The following SCAPER variants were observed in gnomAD, a reference collection of about 807,000 sequenced individuals.
SCAPER encodes the protein S-phase cyclin A associated protein in the ER.
SCAPER carries 98 observed loss-of-function variants against 182.2 expected under a neutral mutation model. That is an observed-to-expected ratio of 0.54 (90% CI 0.46 to 0.64). The LOEUF (loss-of-function observed/expected upper bound fraction) is 0.64. Ranked by LOEUF, SCAPER falls within the 30% of genes least tolerant of loss-of-function variation. The probability of loss-of-function intolerance (pLI) is 0.00; values close to 1 mark genes in which losing one functional copy is unlikely to be tolerated. For missense variants in SCAPER, 1,432 were observed against 1,690.0 expected (o/e 0.85, Z 2.68); for synonymous variants, 605 against 564.6 (o/e 1.07, Z -1.01).
Position 76,381,609 on chromosome 15 carries a change from G to A in SCAPER, c.3474C>T (p.Tyr1158=), listed in dbSNP as rs778952552. Residue 1158 remains tyrosine (Y), a synonymous_variant, in exon 28 of 32, where the codon TAC becomes TAT. Coordinates refer to ENST00000563290, the MANE Select transcript of SCAPER (RefSeq NM_020843.4). ...TLCFAVTGRS[Y]SIFDNNRQDP... is the part of the protein sequence containing the mutation. ...CCTGGCGATTATTGTCAAATATGCT[G>A]TATGACCTGACAAAGAAACATTCAG... 1.9e-6 allele frequency: 3 copies of A among 1,583,042 alleles called. No homozygotes were observed. The highest frequency in any genetic ancestry group is 4.6e-5 in the East Asian group (2 of 43,550).
rs145266992 is a variant in SCAPER, at chr15:76,609,100, C to T, written c.2711+12664G>A. On this transcript the variant is annotated intron_variant, in intron 22 of 31. Coordinates refer to ENST00000563290, the MANE Select transcript of SCAPER (RefSeq NM_020843.4). Reference sequence around the variant, plus strand: ...CTCAGTTGGAAATGCAGAAATCATCCGTCTTCTGCGTCGCTCATGCTGGTA... The same window carrying T: ...CTCAGTTGGAAATGCAGAAATCATCTGTCTTCTGCGTCGCTCATGCTGGTA... Among the ~76,000 whole-genome samples, 207 of 152,260 alleles carry T rather than the reference C, an allele frequency of 1.4e-3. 6 individuals are homozygous for T. In the East Asian group the frequency reaches 0.028, roughly 21 times the overall value.
At chr15:76,852,260 C>T (rs1440611986) in intron 4 of SCAPER, among the ~76,000 whole-genome samples, 4 of 152,182 alleles carry the variant, frequency 2.6e-5, no homozygotes, top group Admixed American at 1.3e-4. Context: ...CTCAGTACTC[C>T]ACTGGCAGTG....
In SCAPER at chr15:76,404,730, T is replaced by C. The variant is rs372117868; in HGVS notation, c.3312-51A>G. ...TATCAATCTGAATAGGCCAGCAACATCTTCACCTTCAATGATAAATGCTAC... is the reference window on the plus strand; with the variant it reads ...TATCAATCTGAATAGGCCAGCAACACCTTCACCTTCAATGATAAATGCTAC... On this transcript the variant is annotated intron_variant, in intron 26 of 31. Coordinates refer to ENST00000563290, the MANE Select transcript of SCAPER (RefSeq NM_020843.4). 71 of 1,555,924 alleles carry C rather than the reference T, an allele frequency of 4.6e-5. No individual in the cohort carries two copies. In the African/African-American group the frequency reaches 8.8e-4, roughly 19 times the overall value.
intron 25 of SCAPER, among the ~76,000 whole-genome samples, chr15:76,452,806 C>T (rs1256062256): frequency 2.6e-5 from 4 of 151,532 alleles, no homozygotes; most frequent in Non-Finnish European, 5.9e-5. Context: ...TGCATATAGC[C>T]TCAACTATTA....
intron 23 of SCAPER, among the ~76,000 whole-genome samples, chr15:76,555,458 G>C (rs2046123312): frequency 6.6e-6 from 1 of 152,114 alleles, no homozygotes; most frequent in African/African-American, 2.4e-5. Context: ...AAAGAAGCAT[G>C]ACCCAACTGC....
chr15:76,453,374 G>A (rs1453045331), intron 25 of SCAPER, among the ~76,000 whole-genome samples: 1 of 152,142 alleles, frequency 6.6e-6, no homozygotes, highest in Non-Finnish European at 1.5e-5. Context: ...GTTCTAATTA[G>A]TTGTCATGTC....
chr15:76,496,194 A>T lies in SCAPER; in HGVS notation c.2954+8665T>A, dbSNP rs142936430. Among the ~76,000 whole-genome samples the T allele has an allele frequency of 4.7e-4, 71 of 151,306 alleles. 1 individual carries two copies. The highest frequency in any genetic ancestry group is 2.1e-3 in the Admixed American group (32 of 15,072). On this transcript the variant is annotated intron_variant, in intron 24 of 31. Transcript: ENST00000563290. ...ACTGGCTTCTAATTTCAGGAAAATCATTGGTGAAATGTTTAAGTTTCTCAT... is the reference window on the plus strand; with the variant it reads ...ACTGGCTTCTAATTTCAGGAAAATCTTTGGTGAAATGTTTAAGTTTCTCAT...
Position 76,702,928 on chromosome 15 carries a change from C to G in SCAPER, c.2322G>C (p.Gly774=). The G allele has an allele frequency of 6.2e-7, 1 of 1,611,022 alleles. No individual in the cohort carries two copies. The highest frequency in any genetic ancestry group is 1.1e-5 in the South Asian group (1 of 90,160). The change falls in exon 19 of 32, where the codon GGG becomes GGC. Residue 774 remains glycine (G), a synonymous_variant. Transcript: ENST00000563290. ...GGGCATAATCAGTATTTGCATGTCG[C>G]CCACTGCTTAGCTCAGCAGCTTTTT... ...RKEKAAELSS[G]RHANTDYAPK...
At chr15:76,416,646 G>A (rs940267317) in intron 26 of SCAPER, among the ~76,000 whole-genome samples, 2 of 152,052 alleles carry the variant, frequency 1.3e-5, no homozygotes, top group South Asian at 2.1e-4. Context: ...AATTCTTAAG[G>A]TATATTCTCT....
chr15:76,425,390 T>C (rs142139031), intron 26 of SCAPER, among the ~76,000 whole-genome samples: 3,132 of 152,336 alleles, frequency 0.021, 50 homozygotes, highest in Non-Finnish European at 0.031. Context: ...TGATACCCTT[T>C]CTTCCAGTTG....
intron 26 of SCAPER, among the ~76,000 whole-genome samples, chr15:76,425,173 G>A (rs2046335217): frequency 6.6e-6 from 1 of 152,148 alleles, no homozygotes; most frequent in South Asian, 2.1e-4. Flanking sequence ...GCCTTGCTAG[G>A]TTGGGGAATT....
At chr15:76,637,722 T>TTATATATATATA (rs369760680) in intron 21 of SCAPER, among the ~76,000 whole-genome samples, 24 of 77,830 alleles carry the variant, frequency 3.1e-4, no homozygotes, top group African/African-American at 9.5e-4. Context: ...ATATATGTGA[T>TTATATATATATA]TATATATATA....
chr15:76,824,784 T>C (rs2067858531), intron 5 of SCAPER, among the ~76,000 whole-genome samples: 1 of 152,204 alleles, frequency 6.6e-6, no homozygotes, highest in South Asian at 2.1e-4. Flanking sequence ...ATACTTAATA[T>C]CTTCACCAAC....
intron 23 of SCAPER, among the ~76,000 whole-genome samples, chr15:76,517,250 T>C (rs2042499081): frequency 6.6e-6 from 1 of 152,064 alleles, no homozygotes; most frequent in Admixed American, 6.5e-5. Context: ...AAATATATTT[T>C]TAAAACTTTT....
At chr15:76,699,346 T>C (rs2058809859) in intron 20 of SCAPER, among the ~76,000 whole-genome samples, 1 of 152,202 alleles carries the variant, frequency 6.6e-6, no homozygotes, top group Non-Finnish European at 1.5e-5. Context: ...GTTCCAGTTC[T>C]CAAGGGGAAT....
At chr15:76,424,303 T>C (rs1486128635) in intron 26 of SCAPER, among the ~76,000 whole-genome samples, 1 of 152,206 alleles carries the variant, frequency 6.6e-6, no homozygotes, top group Admixed American at 6.5e-5. Context: ...TGGGTGCTCC[T>C]GTATTGGGTG....
chr15:76,836,194 C>A (rs2068936282), intron 5 of SCAPER, among the ~76,000 whole-genome samples: 1 of 152,112 alleles, frequency 6.6e-6, no homozygotes, highest in African/African-American at 2.4e-5. Flanking sequence ...CTACCAATGT[C>A]ATTTTTCACA....
intron 15 of SCAPER, among the ~76,000 whole-genome samples, chr15:76,737,641 T>G (rs1326267814): frequency 6.6e-6 from 1 of 152,244 alleles, no homozygotes; most frequent in Non-Finnish European, 1.5e-5. Flanking sequence ...CTGAATTCTC[T>G]ATAGCTATGA....
chr15:76,450,448 T>C (rs2048298703), intron 25 of SCAPER, among the ~76,000 whole-genome samples: 2 of 152,110 alleles, frequency 1.3e-5, no homozygotes, highest in Admixed American at 6.5e-5. Context: ...TTGGAAAGAG[T>C]ATTTTTTTCC....
Sources: gnomAD v4.1 joint callset for allele counts (sites outside exome capture counted in the v4.1 genomes callset) on GRCh38, gnomAD v4.1.1 for gene constraint, MANE v1.5 for transcripts, NCBI Gene and HGNC (gene_info 2026-07-23, HGNC 2026-07-21) for gene names.